The following SNCAIP variants were observed in gnomAD, a reference collection of about 807,000 sequenced individuals.
SNCAIP encodes synuclein alpha interacting protein.
A neutral mutation model predicts 86.7 loss-of-function variants in SNCAIP; 43 were observed. The observed-to-expected ratio is 0.50, with a 90% CI of 0.39 to 0.64. SNCAIP has a LOEUF of 0.64. SNCAIP is among the 30% of genes least tolerant of loss of function. The pLI is 0.00. For missense variants in SNCAIP, 981 were observed against 1,103.1 expected (o/e 0.89, Z 1.57); for synonymous variants, 417 against 427.2 (o/e 0.98, Z 0.29).
rs973216178 is a variant in SNCAIP, at chr5:122,385,670, C to T, written c.-46-5419C>T. On this transcript the variant is annotated intron_variant, in intron 1 of 10. Transcript: ENST00000261368. ...AATTTGGCAGGCATGCGTGTGCGCA[C>T]GTATGTGTGTGTGTGTGTGTGTGTG... Among the ~76,000 whole-genome samples the T allele has an allele frequency of 5.0e-4, 72 of 144,552 alleles. 1 individual carries two copies. The highest frequency in any genetic ancestry group is 8.5e-4 in the Non-Finnish European group (56 of 65,880). The allele number at this position is 144,552 out of a possible 152,430, so 94.8% of individuals were successfully genotyped here.
intron 1 of SNCAIP, among the ~76,000 whole-genome samples, chr5:122,366,018 A>G (rs1349640447): frequency 6.6e-6 from 1 of 152,184 alleles, no homozygotes; most frequent in African/African-American, 2.4e-5. Context: ...TTTGAAAAAT[A>G]AGTTTAAAGG....
At chr5:122,461,126 C>G (rs544025733) in intron 10 of SNCAIP, among the ~76,000 whole-genome samples, 2 of 152,116 alleles carry the variant, frequency 1.3e-5, no homozygotes, top group Non-Finnish European at 2.9e-5. Flanking sequence ...GAGTGTTTGA[C>G]TCAGTATAGG....
At chr5:122,368,773 C>T (rs1361890977) in intron 1 of SNCAIP, among the ~76,000 whole-genome samples, 1 of 152,166 alleles carries the variant, frequency 6.6e-6, no homozygotes, top group East Asian at 1.9e-4. Context: ...TTTAATTGCT[C>T]TGGCCCCAGC....
chr5:122,444,071 G>C (rs1387322515), intron 7 of SNCAIP: 1 of 456,976 alleles, frequency 2.2e-6, no homozygotes, highest in Non-Finnish European at 4.4e-6. Context: ...TCTCAGCCAT[G>C]TCATTTCTTT....
chr5:122,403,569 TG>T (rs1156680518), intron 2 of SNCAIP, among the ~76,000 whole-genome samples: 2 of 151,656 alleles, frequency 1.3e-5, no homozygotes, highest in East Asian at 3.9e-4. Flanking sequence ...AAAGAAGGAG[TG>T]CCCAGCCCTC....
intron 1 of SNCAIP, among the ~76,000 whole-genome samples, chr5:122,342,361 T>G (rs1757766694): frequency 6.6e-6 from 1 of 152,036 alleles, no homozygotes; most frequent in Non-Finnish European, 1.5e-5. Flanking sequence ...TCAGGGAATG[T>G]CCACAGGAAT....
At chr5:122,460,888 C>T (rs2153037755) in intron 10 of SNCAIP, among the ~76,000 whole-genome samples, 1 of 152,294 alleles carries the variant, frequency 6.6e-6, no homozygotes, top group South Asian at 2.1e-4. Flanking sequence ...TCACTGCTGC[C>T]TCCTGGCACT....
chr5:122,373,845 C>T (rs760364908), intron 1 of SNCAIP, among the ~76,000 whole-genome samples: 8 of 152,206 alleles, frequency 5.3e-5, no homozygotes, highest in Non-Finnish European at 1.0e-4. Flanking sequence ...AAATTGCCCA[C>T]CCCTTGGGTG....
chr5:122,404,008 C>G (rs917657219), intron 3 of SNCAIP, 143 bp downstream of exon 3: 45 of 698,994 alleles, frequency 6.4e-5, no homozygotes, highest in Admixed American at 1.6e-4. Context: ...CCCCCCACCT[C>G]ATGCCCTGCC....
intron 1 of SNCAIP, among the ~76,000 whole-genome samples, chr5:122,338,118 G>A (rs1756875180): frequency 6.6e-6 from 1 of 152,164 alleles, no homozygotes; most frequent in African/African-American, 2.4e-5. Flanking sequence ...CTTTATTCAT[G>A]TCTTCAGTTT....
chr5:122,370,002 T>C (rs1248386261), intron 1 of SNCAIP: 1 of 152,196 alleles, frequency 6.6e-6, no homozygotes, highest in Non-Finnish European at 1.5e-5. Flanking sequence ...AGCTTCACTT[T>C]CCTTTTCTGT....
chr5:122,426,581 A>G (rs963389963), intron 5 of SNCAIP, among the ~76,000 whole-genome samples: 8 of 152,218 alleles, frequency 5.3e-5, no homozygotes, highest in Non-Finnish European at 1.0e-4. Context: ...GTAATTAATA[A>G]GGTATACTTC....
chr5:122,329,468 T>C (rs1314350568), intron 1 of SNCAIP, among the ~76,000 whole-genome samples: 1 of 152,198 alleles, frequency 6.6e-6, no homozygotes, highest in Non-Finnish European at 1.5e-5. Flanking sequence ...ATGGTCTCCT[T>C]TCTATCCCCA....
At chr5:122,412,754 A>C (rs944000273) in intron 3 of SNCAIP, among the ~76,000 whole-genome samples, 9 of 152,090 alleles carry the variant, frequency 5.9e-5, no homozygotes, top group African/African-American at 2.2e-4. Flanking sequence ...TGGAATTCTA[A>C]AGAGAAATTC....
Position 122,451,379 on chromosome 5 carries a change from CCAG to C in SNCAIP, c.2534_2536del (p.Gln845del), listed in dbSNP as rs758647740. The stretch of plus-strand genomic sequence containing the variant: ...AAGACAAAGATAAGGGCAGGACTCT[CCAG>C]CGGACCTCCACAAGTAACGAATCGG... On this transcript the variant is annotated inframe_deletion, in exon 10 of 11. Coordinates refer to ENST00000261368, the MANE Select transcript of SNCAIP (RefSeq NM_005460.4). 306 of 1,614,034 alleles carry C rather than the reference CCAG, an allele frequency of 1.9e-4. No homozygotes were observed. The highest frequency in any genetic ancestry group is 2.5e-4 in the Non-Finnish European group (297 of 1,180,028).
intron 8 of SNCAIP, among the ~76,000 whole-genome samples, chr5:122,447,746 C>G (rs2152991133): frequency 6.6e-6 from 1 of 152,306 alleles, no homozygotes; most frequent in Middle Eastern, 3.4e-3. Context: ...CAGTTGTTTT[C>G]ATAAATAAAA....
chr5:122,313,674 C>T (rs1751123388), intron 1 of SNCAIP, among the ~76,000 whole-genome samples: 1 of 152,220 alleles, frequency 6.6e-6, no homozygotes, highest in Admixed American at 6.5e-5. Flanking sequence ...GTTTCTGATG[C>T]ATCTCAATGT....
At chr5:122,337,960 A>G (rs1756843493) in intron 1 of SNCAIP, among the ~76,000 whole-genome samples, 2 of 152,358 alleles carry the variant, frequency 1.3e-5, no homozygotes, top group South Asian at 4.1e-4. Context: ...CATTTATCAG[A>G]TATTTATATA....
At chr5:122,385,665 GCGCA>G (rs1438677247) in intron 1 of SNCAIP, among the ~76,000 whole-genome samples, 2 of 150,382 alleles carry the variant, frequency 1.3e-5, no homozygotes, top group Admixed American at 1.3e-4. Flanking sequence ...GCATGCGTGT[GCGCA>G]CGTATGTGTG....
Sources: allele counts gnomAD v4.1 joint callset (sites outside exome capture counted in the v4.1 genomes callset), GRCh38; gene constraint gnomAD v4.1.1; transcripts MANE v1.5; gene names NCBI Gene and HGNC (gene_info 2026-07-23, HGNC 2026-07-21).